The following COTL1 variants were observed in gnomAD, a reference collection of about 807,000 sequenced individuals.
COTL1 encodes coactosin like F-actin binding protein 1.
COTL1 carries 15 observed loss-of-function variants against 16.5 expected under a neutral mutation model. The ratio of observed to expected loss-of-function variants is 0.91; its 90% confidence interval spans 0.61 to 1.40. The LOEUF (loss-of-function observed/expected upper bound fraction) is 1.40, where lower values mean the gene tolerates loss of function less well. Among genes scored for constraint, COTL1 ranks in the 40% most tolerant of loss-of-function variants. COTL1 has a pLI of 0.00. For missense variants in COTL1, 220 were observed against 201.5 expected (o/e 1.09, Z -0.56); for synonymous variants, 112 against 85.3 (o/e 1.31, Z -1.73).
At chr16:84,579,894 C>G (rs546031000) in intron 3 of COTL1, among the ~76,000 whole-genome samples, 1 of 152,340 alleles carries the variant, frequency 6.6e-6, no homozygotes, top group African/African-American at 2.4e-5. Context: ...TTCATGAAGG[C>G]TGGGAAACAT....
In COTL1 at chr16:84,590,629, T is replaced by G. The variant is rs1486436425; in HGVS notation, c.161-367A>C. 5.7e-6 allele frequency: 1 copy of G among 174,010 alleles called. No individual in the cohort carries two copies. The highest frequency in any genetic ancestry group is 1.2e-5 in the Non-Finnish European group (1 of 82,812). The allele number at this position is 174,010 out of a possible 1,614,324, so 10.8% of individuals were successfully genotyped here. A position where few individuals can be genotyped will look rare whatever the true frequency, so the allele number is the denominator to read the frequency against. Reference sequence around the variant, plus strand: ...CTTCCTACAATCAAGGCTCAAAGTCTGGGTGGGCCCATTGCACAGATGTGG... The same window carrying G: ...CTTCCTACAATCAAGGCTCAAAGTCGGGGTGGGCCCATTGCACAGATGTGG... On this transcript the variant is annotated intron_variant, in intron 2 of 3. Transcript: ENST00000262428. The surrounding 1 kb of genome is among the most constrained non-coding windows in gnomAD (Gnocchi z 5.5).
intron 3 of COTL1, among the ~76,000 whole-genome samples, chr16:84,569,694 C>T (rs188475588): frequency 3.3e-5 from 5 of 152,290 alleles, no homozygotes; most frequent in African/African-American, 9.6e-5. Flanking sequence ...TCTGTTCCCA[C>T]CCCACTACAG....
chr16:84,592,402 G>A lies in COTL1; in HGVS notation c.161-2140C>T, dbSNP rs117702586. Among the ~76,000 whole-genome samples the A allele has an allele frequency of 3.3e-3, 507 of 152,216 alleles. 1 individual carries two copies. The highest frequency in any genetic ancestry group is 5.1e-3 in the Non-Finnish European group (349 of 68,012). Reference sequence around the variant, plus strand: ...GCATAAACTGATGCTCTCTCAGGGCGTTTAGTTGCTGGTGTGAGGGTTTCT... The same window carrying A: ...GCATAAACTGATGCTCTCTCAGGGCATTTAGTTGCTGGTGTGAGGGTTTCT... On this transcript the variant is annotated intron_variant, in intron 2 of 3. Transcript: ENST00000262428.
Position 84,608,145 on chromosome 16 carries a change from A to G in COTL1, c.160+9356T>C, listed in dbSNP as rs1237816671. ...ACCAAAGACCTAGACATAGAGCTCCATGCTCTGGGTGTGGGTGGGCACCAG... is the reference window on the plus strand; with the variant it reads ...ACCAAAGACCTAGACATAGAGCTCCGTGCTCTGGGTGTGGGTGGGCACCAG... On this transcript the variant is annotated intron_variant, in intron 2 of 3. Transcript: ENST00000262428. 2.0e-5 allele frequency among the ~76,000 whole-genome samples: 3 copies of G among 152,082 alleles called. No homozygotes were observed. In the East Asian group the frequency reaches 5.8e-4, roughly 29 times the overall value.
In COTL1 at chr16:84,617,646, C is replaced by A. The variant is rs113495648; in HGVS notation, c.78-63G>T. 4,747 of 1,502,330 alleles carry A rather than the reference C, an allele frequency of 3.2e-3. 125 individuals carry two copies. The African/African-American group carries it at 0.057, about 18-fold the overall frequency. 93.1% of individuals were successfully genotyped at this position (1,502,330 alleles called of 1,614,324 possible). On this transcript the variant is annotated intron_variant, in intron 1 of 3. Coordinates refer to ENST00000262428, the MANE Select transcript of COTL1 (RefSeq NM_021149.5). ...CAGCGCTGGTGGCCGCGCGACGCGG[C>A]GCTTGCAGAGGACAATCTAACAGAC...
At chr16:84,615,207 T>A (rs1355886684) in intron 2 of COTL1, among the ~76,000 whole-genome samples, 1 of 152,188 alleles carries the variant, frequency 6.6e-6, no homozygotes, top group Admixed American at 6.5e-5. Context: ...AACAGATGGC[T>A]GGGGAAAGAA....
intron 2 of COTL1, among the ~76,000 whole-genome samples, chr16:84,601,007 T>G (rs1054450460): frequency 2.0e-5 from 3 of 150,486 alleles, no homozygotes; most frequent in Admixed American, 2.0e-4. Flanking sequence ...ACCCTCTGAC[T>G]TAGAGAAGAG....
intron 3 of COTL1, chr16:84,576,215 G>C (rs146470298): frequency 1.3e-5 from 2 of 152,366 alleles, no homozygotes; most frequent in African/African-American, 4.8e-5. Flanking sequence ...GGCCTGTCGG[G>C]GTACAAGTGT....
intron 3 of COTL1, among the ~76,000 whole-genome samples, chr16:84,582,902 C>T (rs1325284038): frequency 6.6e-6 from 1 of 152,232 alleles, no homozygotes; most frequent in African/African-American, 2.4e-5. Flanking sequence ...TAACTTTCTC[C>T]ATTTCACACA....
At chr16:84,598,899 T>C (rs907611066) in intron 2 of COTL1, among the ~76,000 whole-genome samples, 1 of 142,280 alleles carries the variant, frequency 7.0e-6, no homozygotes, top group African/African-American at 2.7e-5. Flanking sequence ...GTCAAAGGGA[T>C]GGGGATGTGG....
intron 2 of COTL1, among the ~76,000 whole-genome samples, chr16:84,606,267 A>G (rs1905209054): frequency 2.6e-5 from 4 of 152,244 alleles, no homozygotes. Context: ...GAGCAGTCAC[A>G]TGGCCAGTGG....
chr16:84,581,415 G>C (rs558313333), intron 3 of COTL1, among the ~76,000 whole-genome samples: 5 of 152,312 alleles, frequency 3.3e-5, no homozygotes, highest in East Asian at 1.9e-4. Flanking sequence ...CTTTGCAAGG[G>C]GGAGCAGCAG....
intron 2 of COTL1, chr16:84,595,849 A>G (rs1904991348): frequency 6.6e-6 from 1 of 151,868 alleles, no homozygotes; most frequent in South Asian, 2.1e-4. Flanking sequence ...ACAGGTGTAT[A>G]TATGTGTGTA....
intron 3 of COTL1, among the ~76,000 whole-genome samples, chr16:84,585,718 A>C (rs570774415): frequency 1.1e-4 from 17 of 152,174 alleles, no homozygotes; most frequent in Non-Finnish European, 1.9e-4. Flanking sequence ...CCGTGGAAAG[A>C]CAGCATTATA....
chr16:84,608,601 G>A (rs1905258448), intron 2 of COTL1, among the ~76,000 whole-genome samples: 1 of 152,304 alleles, frequency 6.6e-6, no homozygotes, highest in Admixed American at 6.5e-5. Context: ...GCCCTTCAGG[G>A]TACCACTTAA....
chr16:84,616,004 C>T (rs1905472008), intron 2 of COTL1: 3 of 152,166 alleles, frequency 2.0e-5, no homozygotes. Context: ...CCCACATGAT[C>T]CCTGGCACAA....
intron 2 of COTL1, chr16:84,594,563 G>A (rs1237023523): frequency 6.6e-6 from 1 of 152,254 alleles, no homozygotes; most frequent in Non-Finnish European, 1.5e-5. Context: ...TGGCAGCCTT[G>A]ACCTGAGGGG....
chr16:84,605,631 C>A (rs911477435), intron 2 of COTL1, among the ~76,000 whole-genome samples: 3 of 152,312 alleles, frequency 2.0e-5, no homozygotes, highest in Admixed American at 1.3e-4. Context: ...CCTGCCAGTA[C>A]TGGCTTTGAA....
At chr16:84,606,708 A>C (rs1905217816) in intron 2 of COTL1, among the ~76,000 whole-genome samples, 1 of 152,160 alleles carries the variant, frequency 6.6e-6, no homozygotes, top group African/African-American at 2.4e-5. Context: ...GGAGTGCAGA[A>C]ACCCTAAAGC....
Sources: allele counts gnomAD v4.1 joint callset (sites outside exome capture counted in the v4.1 genomes callset), GRCh38; gene constraint gnomAD v4.1.1; non-coding constraint Gnocchi (gnomAD v3.1); transcripts MANE v1.5; gene names NCBI Gene and HGNC (gene_info 2026-07-23, HGNC 2026-07-21).